LRP1B: variants seen among roughly 807,000 people sequenced by gnomAD.
LRP1B encodes low-density lipoprotein receptor-related protein 1B.
LRP1B carries 217 observed loss-of-function variants against 556.6 expected under a neutral mutation model. The observed-to-expected ratio is 0.39, with a 90% CI of 0.35 to 0.44. The LOEUF (loss-of-function observed/expected upper bound fraction) is 0.44. Ranked by LOEUF, LRP1B falls within the 20% of genes least tolerant of loss-of-function variation. The probability of loss-of-function intolerance (pLI) is 1.00; values close to 1 mark genes in which losing one functional copy is unlikely to be tolerated. For synonymous variants in LRP1B, 2,047 were observed against 1,865.8 expected (o/e 1.10, Z -2.50); for missense variants, 5,053 against 5,620.8 (o/e 0.90, Z 3.23).
At chr2:141,653,044 T>C (rs1689859037) in intron 2 of LRP1B, among the ~76,000 whole-genome samples, 1 of 152,212 alleles carries the variant, frequency 6.6e-6, no homozygotes, top group African/African-American at 2.4e-5. Context: ...CTTGGAAGGC[T>C]TTAATCAGAA....
intron 7 of LRP1B, among the ~76,000 whole-genome samples, chr2:141,140,492 T>C (rs897084216): frequency 6.6e-6 from 1 of 152,060 alleles, no homozygotes; most frequent in Admixed American, 6.6e-5. Flanking sequence ...GGTCCTTTAA[T>C]ATAGAAGTAA....
At chr2:140,797,921 A>C (rs949917824) in intron 32 of LRP1B, among the ~76,000 whole-genome samples, 1 of 151,946 alleles carries the variant, frequency 6.6e-6, no homozygotes, top group Admixed American at 6.6e-5. Context: ...TGAATGACTC[A>C]CTCCGGACTT....
chr2:141,128,908 C>G (rs1370392525), intron 7 of LRP1B, among the ~76,000 whole-genome samples: 2 of 152,124 alleles, frequency 1.3e-5, no homozygotes, highest in Non-Finnish European at 2.9e-5. Context: ...TATCATCCTA[C>G]TAATTCTAAT....
chr2:141,774,849 A>G (rs10183908), intron 2 of LRP1B, among the ~76,000 whole-genome samples: 65,859 of 152,040 alleles, frequency 0.43, 15,621 homozygotes, highest in Admixed American at 0.54. Context: ...CCTCACTGCT[A>G]TCTTGACTTA....
chr2:141,511,365 G>A (rs754162276), intron 2 of LRP1B, among the ~76,000 whole-genome samples: 35 of 151,908 alleles, frequency 2.3e-4, no homozygotes, highest in Non-Finnish European at 3.7e-4. Context: ...CATCCTAACC[G>A]GTGAAGGATT....
chr2:140,256,874 AGTTT>A (rs1478427689), intron 86 of LRP1B, among the ~76,000 whole-genome samples: 2 of 151,666 alleles, frequency 1.3e-5, no homozygotes, highest in African/African-American at 2.4e-5. Context: ...CATCTGAGTT[AGTTT>A]AACTCGGCTG....
chr2:140,404,691 C>T (rs1362424271), intron 66 of LRP1B, among the ~76,000 whole-genome samples: 1 of 152,038 alleles, frequency 6.6e-6, no homozygotes, highest in Non-Finnish European at 1.5e-5. Flanking sequence ...AAAAGACTCA[C>T]CTAACACACA....
intron 43 of LRP1B, among the ~76,000 whole-genome samples, chr2:140,550,692 G>T (rs1010805062): frequency 6.6e-6 from 1 of 152,072 alleles, no homozygotes. Context: ...AATCTGAAAC[G>T]ACTGCTAATA....
At chr2:141,161,583 A>C (rs1680036320) in intron 7 of LRP1B, among the ~76,000 whole-genome samples, 1 of 152,138 alleles carries the variant, frequency 6.6e-6, no homozygotes, top group African/African-American at 2.4e-5. Flanking sequence ...AAGCAAAGGC[A>C]TTGGCAACTT....
At chr2:141,080,394 G>C (rs1001689572) in intron 7 of LRP1B, among the ~76,000 whole-genome samples, 7 of 151,972 alleles carry the variant, frequency 4.6e-5, no homozygotes, top group Admixed American at 2.0e-4. Flanking sequence ...CATAGTTTTG[G>C]TTCCAGCCCT....
intron 43 of LRP1B, among the ~76,000 whole-genome samples, chr2:140,587,657 C>T (rs1399706696): frequency 3.3e-5 from 5 of 151,952 alleles, no homozygotes; most frequent in Non-Finnish European, 7.4e-5. Flanking sequence ...ATAAATAGCA[C>T]AAAAATTAGT....
At chr2:141,241,950 A>T (rs1683894121) in intron 5 of LRP1B, among the ~76,000 whole-genome samples, 1 of 152,088 alleles carries the variant, frequency 6.6e-6, no homozygotes, top group Non-Finnish European at 1.5e-5. Context: ...GTAAAAAAAA[A>T]AACCCTAAAT....
intron 6 of LRP1B, among the ~76,000 whole-genome samples, chr2:141,200,065 C>T (rs1300464509): frequency 1.3e-5 from 2 of 152,186 alleles, no homozygotes; most frequent in Non-Finnish European, 2.9e-5. Flanking sequence ...CCAGCAATCC[C>T]ATTACTGGGC....
At chr2:141,590,901 G>T (rs1280594176) in intron 2 of LRP1B, among the ~76,000 whole-genome samples, 1 of 152,114 alleles carries the variant, frequency 6.6e-6, no homozygotes, top group Non-Finnish European at 1.5e-5. Context: ...GTTCCTGTGT[G>T]CCTTGTCTCT....
chr2:141,600,958 G>T (rs1378107852), intron 2 of LRP1B, among the ~76,000 whole-genome samples: 4 of 152,112 alleles, frequency 2.6e-5, no homozygotes, highest in African/African-American at 9.7e-5. Context: ...CATTAATCAG[G>T]ATCTGTTTTG....
intron 20 of LRP1B, among the ~76,000 whole-genome samples, chr2:140,933,902 A>G (rs145137634): frequency 4.2e-4 from 64 of 152,170 alleles, no homozygotes; most frequent in African/African-American, 1.5e-3. Flanking sequence ...TGATGTAAAG[A>G]CATCAGTTGG....
rs372783277 is a variant in LRP1B, at chr2:141,745,200, C to A, written c.205+65079G>T. 5.9e-5 allele frequency among the ~76,000 whole-genome samples: 9 copies of A among 152,282 alleles called. No individual in the cohort carries two copies. In the East Asian group the frequency reaches 1.2e-3, roughly 20 times the overall value. On this transcript the variant is annotated intron_variant, in intron 2 of 90. Transcript: ENST00000389484. ...ACTATAACCACTACCTGGCTACCAC[C>A]TATGTTCAAGACCCCAGGGCTCTAC...
chr2:141,333,621 A>T (rs1332269599), intron 3 of LRP1B, among the ~76,000 whole-genome samples: 1 of 152,240 alleles, frequency 6.6e-6, no homozygotes, highest in Non-Finnish European at 1.5e-5. Flanking sequence ...GCAGCTATGT[A>T]GGTGGGTATC....
chr2:141,738,756 ATGGCT>A (rs1693587925), intron 2 of LRP1B, among the ~76,000 whole-genome samples: 1 of 152,158 alleles, frequency 6.6e-6, no homozygotes, highest in Non-Finnish European at 1.5e-5. Flanking sequence ...AAACTGCTAA[ATGGCT>A]ACAGCTGTAA....
Sources: gnomAD v4.1 joint callset for allele counts (sites outside exome capture counted in the v4.1 genomes callset) on GRCh38, gnomAD v4.1.1 for gene constraint, MANE v1.5 for transcripts, NCBI Gene and HGNC (gene_info 2026-07-23, HGNC 2026-07-21) for gene names.